Variants in MTMR8 observed in about 807,000 individuals in gnomAD.
The protein encoded by MTMR8 is myotubularin related protein 8, also known as phosphatidylinositol-3,5-bisphosphate 3-phosphatase MTMR8.
MTMR8 carries 65 observed loss-of-function variants against 39.3 expected under a neutral mutation model. That is an observed-to-expected ratio of 1.65 (90% CI 1.35 to 2.03). The LOEUF is 2.03. MTMR8 is among the 30% of genes most tolerant of loss of function. The pLI, the probability that MTMR8 is intolerant of heterozygous loss-of-function variation, is 0.00. For synonymous variants in MTMR8, 245 were observed against 185.2 expected (o/e 1.32, Z -2.62); for missense variants, 777 against 538.9 (o/e 1.44, Z -4.37).
intron 8 of MTMR8, among the ~76,000 whole-genome samples, chrX:64,341,909 G>A (rs961087419): frequency 8.9e-6 from 1 of 111,925 alleles, no homozygotes; most frequent in Non-Finnish European, 1.9e-5. Flanking sequence ...TACATGTATT[G>A]CTTTTGTAAT....
chrX:64,271,095 G>A (rs747796866), intron 12 of MTMR8, 22 bp from the exon 13 acceptor site: 1 of 1,171,244 alleles, frequency 8.5e-7, no homozygotes, highest in South Asian at 2.0e-5. Flanking sequence ...AAAAATGGGG[G>A]GAAAAGTGGG....
At chrX:64,325,798 C>A (rs182088633) in intron 12 of MTMR8, among the ~76,000 whole-genome samples, 1 of 111,618 alleles carries the variant, frequency 9.0e-6, no homozygotes, top group East Asian at 2.8e-4. Context: ...AGCAATTAGG[C>A]AAGAGAAAGA....
chrX:64,291,690 A>C (rs1346113001), intron 12 of MTMR8, among the ~76,000 whole-genome samples: 3 of 111,940 alleles, frequency 2.7e-5, no homozygotes, highest in African/African-American at 9.7e-5. Context: ...AGGAGGATTA[A>C]CTGTCAAAAC....
intron 12 of MTMR8, among the ~76,000 whole-genome samples, chrX:64,327,990 T>A (rs1360823883): frequency 1.8e-5 from 2 of 111,799 alleles, no homozygotes; most frequent in Non-Finnish European, 3.8e-5. Flanking sequence ...ATTGTGTCAA[T>A]TAAAATTTAA....
At chrX:64,365,142 C>T (rs191386628) in intron 1 of MTMR8, among the ~76,000 whole-genome samples, 78 of 111,438 alleles carry the variant, frequency 7.0e-4, no homozygotes, top group Non-Finnish European at 1.2e-3. Flanking sequence ...GATTGGTGTG[C>T]CTGAAAGTGA....
intron 1 of MTMR8, among the ~76,000 whole-genome samples, chrX:64,388,212 A>T (rs1335091625): frequency 8.9e-6 from 1 of 111,819 alleles, no homozygotes; most frequent in Non-Finnish European, 1.9e-5. Context: ...TGGCTCTAGA[A>T]TACCAACCAG....
chrX:64,287,929 C>G (rs1311276345), intron 12 of MTMR8, among the ~76,000 whole-genome samples: 1 of 95,240 alleles, frequency 1.0e-5, no homozygotes, highest in Non-Finnish European at 2.1e-5. Flanking sequence ...GTCTAAAACA[C>G]CAAAAGCAAT....
intron 12 of MTMR8, among the ~76,000 whole-genome samples, chrX:64,327,956 C>G (rs1214885495): frequency 3.6e-5 from 4 of 112,234 alleles, no homozygotes; most frequent in African/African-American, 1.3e-4. Context: ...CATAATCACT[C>G]TATACCTCAT....
At chrX:64,308,025 A>G in intron 12 of MTMR8, among the ~76,000 whole-genome samples, 1 of 111,464 alleles carries the variant, frequency 9.0e-6, no homozygotes. Flanking sequence ...ATGTATGTTG[A>G]TATTGTGTCC....
intron 1 of MTMR8, among the ~76,000 whole-genome samples, chrX:64,387,124 A>C (rs1924580412): frequency 1.8e-5 from 2 of 111,608 alleles, no homozygotes; most frequent in Admixed American, 9.5e-5. Context: ...TAAAAGAAAA[A>C]CATCAGTGTC....
chrX:64,301,704 G>A (rs1371983580), intron 12 of MTMR8, among the ~76,000 whole-genome samples: 1 of 110,940 alleles, frequency 9.0e-6, no homozygotes, highest in Non-Finnish European at 1.9e-5. Flanking sequence ...CCATCTTTGC[G>A]GTTTTATCTA....
intron 12 of MTMR8, among the ~76,000 whole-genome samples, chrX:64,285,738 C>T (rs780388663): frequency 7.2e-5 from 8 of 111,323 alleles, no homozygotes; most frequent in African/African-American, 2.0e-4. Flanking sequence ...GGGTACATAA[C>T]GAAATGAAGG....
chrX:64,305,445 A>G, intron 12 of MTMR8: 1 of 286,763 alleles, frequency 3.5e-6, no homozygotes, highest in East Asian at 7.1e-5. Context: ...ACCTGCAGTG[A>G]TGTTACAGAG....
chrX:64,380,513 C>G (rs1477861912), intron 1 of MTMR8, among the ~76,000 whole-genome samples: 1 of 112,420 alleles, frequency 8.9e-6, no homozygotes, highest in African/African-American at 3.2e-5. Context: ...TGTTGAGAAC[C>G]ACTGAATTAA....
At chrX:64,305,904 C>T (rs899504242) in intron 12 of MTMR8, 6 of 239,065 alleles carry the variant, frequency 2.5e-5, no homozygotes, top group African/African-American at 1.7e-4. Flanking sequence ...TTCTTGAGTC[C>T]AGGAGTTAGA....
At chrX:64,281,278 A>G (rs773495857) in intron 12 of MTMR8, among the ~76,000 whole-genome samples, 11 of 111,902 alleles carry the variant, frequency 9.8e-5, no homozygotes, top group Non-Finnish European at 2.1e-4. Flanking sequence ...TAGAGGTATC[A>G]CACTACTTGA....
chrX:64,284,409 T>C (rs1051227775), intron 12 of MTMR8, among the ~76,000 whole-genome samples: 1 of 112,124 alleles, frequency 8.9e-6, no homozygotes. Context: ...TGCAGGATAT[T>C]ATCCAGGAGA....
At chrX:64,319,077 C>T (rs971686602) in intron 12 of MTMR8, among the ~76,000 whole-genome samples, 2 of 111,777 alleles carry the variant, frequency 1.8e-5, no homozygotes, top group Non-Finnish European at 3.8e-5. Flanking sequence ...TGAGAAGTTC[C>T]CATTTGAAAT....
At chrX:64,315,771 GTTT>G (rs940372391) in intron 12 of MTMR8, among the ~76,000 whole-genome samples, 1 of 111,494 alleles carries the variant, frequency 9.0e-6, no homozygotes, top group African/African-American at 3.3e-5. Flanking sequence ...CCATGTTATT[GTTT>G]TTGTTTGTTC....
Sources: allele counts gnomAD v4.1 joint callset (sites outside exome capture counted in the v4.1 genomes callset), GRCh38; gene constraint gnomAD v4.1.1; transcripts MANE v1.5; gene names NCBI Gene and HGNC (gene_info 2026-07-23, HGNC 2026-07-21).